ASTN2: variants seen among roughly 807,000 people sequenced by gnomAD.
ASTN2 encodes the protein astrotactin-2.
In ASTN2, 54 loss-of-function variants were observed where a neutral mutation model predicts 139.8. The ratio of observed to expected loss-of-function variants is 0.39; its 90% CI spans 0.31 to 0.48. The LOEUF is 0.48. Ranked by LOEUF, ASTN2 falls within the 20% of genes least tolerant of loss-of-function variation. The pLI is 0.95. For synonymous variants in ASTN2, 756 were observed against 719.5 expected, an observed-to-expected ratio of 1.05 and a Z score of -0.81; for missense variants, 1,565 against 1,725.1, an observed-to-expected ratio of 0.91 and a Z score of 1.64.
intron 19 of ASTN2, among the ~76,000 whole-genome samples, chr9:116,603,933 T>A (rs746296835): frequency 6.6e-6 from 1 of 152,100 alleles, no homozygotes; most frequent in African/African-American, 2.4e-5. Context: ...ATCCATATAA[T>A]TAATTAGTGG....
intron 20 of ASTN2, among the ~76,000 whole-genome samples, chr9:116,446,255 G>GGAGAGAGAGAGAGAGA (rs373227100): frequency 6.8e-4 from 77 of 113,930 alleles, no homozygotes; most frequent in East Asian, 1.7e-3. Context: ...GAGGGGAGAG[G>GGAGAGAGAGAGAGAGA]GAGAGAGAGA....
intron 16 of ASTN2, among the ~76,000 whole-genome samples, chr9:116,662,027 T>C (rs73530828): frequency 2.1e-5 from 3 of 145,828 alleles, no homozygotes; most frequent in East Asian, 4.0e-4. Flanking sequence ...AAGAAAAAAA[T>C]ATATATATAT....
chr9:116,728,867 G>A (rs1828702106), intron 15 of ASTN2, 125 bp downstream of exon 15: 1 of 752,066 alleles, frequency 1.3e-6, no homozygotes, highest in Admixed American at 2.4e-5. Flanking sequence ...CTTGATGGCA[G>A]AGAGGATGCA....
chr9:116,940,712 A>T (rs375710663), intron 10 of ASTN2, among the ~76,000 whole-genome samples: 4 of 152,152 alleles, frequency 2.6e-5, no homozygotes, highest in East Asian at 3.8e-4. Flanking sequence ...TTTAAAATAA[A>T]TTTAGTGTAG....
intron 16 of ASTN2, among the ~76,000 whole-genome samples, chr9:116,705,370 C>T (rs1269016319): frequency 6.6e-6 from 1 of 151,538 alleles, no homozygotes; most frequent in African/African-American, 2.4e-5. Flanking sequence ...GAAAGTCTAA[C>T]CCCTGCAACC....
intron 1 of ASTN2, among the ~76,000 whole-genome samples, chr9:117,321,856 T>G (rs1015413756): frequency 6.6e-6 from 1 of 152,204 alleles, no homozygotes; most frequent in Non-Finnish European, 1.5e-5. Context: ...TAGCATTCCC[T>G]GCTCCACCAG....
At chr9:116,596,499 C>T (rs1245860491) in intron 19 of ASTN2, among the ~76,000 whole-genome samples, 3 of 151,992 alleles carry the variant, frequency 2.0e-5, no homozygotes, top group African/African-American at 4.8e-5. Context: ...TTATTGGAGG[C>T]GATGGGTATG....
chr9:116,843,486 C>T (rs751649114), intron 11 of ASTN2, among the ~76,000 whole-genome samples: 1 of 151,822 alleles, frequency 6.6e-6, no homozygotes, highest in Non-Finnish European at 1.5e-5. Context: ...GGTGAAACCC[C>T]ATCTCTACTA....
chr9:116,489,822 A>G (rs1849456104), intron 19 of ASTN2, among the ~76,000 whole-genome samples: 1 of 152,168 alleles, frequency 6.6e-6, no homozygotes, highest in African/African-American at 2.4e-5. Context: ...TCTATTTTTC[A>G]CGAAGACAAT....
chr9:117,343,784 G>A (rs905617442), intron 1 of ASTN2, among the ~76,000 whole-genome samples: 2 of 152,134 alleles, frequency 1.3e-5, no homozygotes, highest in African/African-American at 4.8e-5. Flanking sequence ...ACTAGAATGT[G>A]CATGTTTTAA....
chr9:117,311,452 C>G (rs1467570476), intron 1 of ASTN2, among the ~76,000 whole-genome samples: 1 of 152,112 alleles, frequency 6.6e-6, no homozygotes, highest in African/African-American at 2.4e-5. Flanking sequence ...AGATTGCCAT[C>G]CACTCTTTTT....
intron 3 of ASTN2, among the ~76,000 whole-genome samples, chr9:117,204,457 C>T (rs1405811137): frequency 6.6e-6 from 1 of 152,148 alleles, no homozygotes; most frequent in Non-Finnish European, 1.5e-5. Context: ...ATGCTGGATG[C>T]TACAAAAACA....
chr9:117,410,097 T>A (rs1183972523), intron 1 of ASTN2, among the ~76,000 whole-genome samples: 2 of 152,236 alleles, frequency 1.3e-5, no homozygotes, highest in Non-Finnish European at 2.9e-5. Context: ...CCTGTCAGGT[T>A]GATATGGCAA....
intron 4 of ASTN2, among the ~76,000 whole-genome samples, chr9:117,120,773 A>C (rs1829538334): frequency 3.9e-5 from 6 of 152,242 alleles, no homozygotes; most frequent in Admixed American, 3.9e-4. Flanking sequence ...AGGAAACTAA[A>C]ACTAAAGTCT....
chr9:117,409,264 C>T (rs1290482644), intron 1 of ASTN2, among the ~76,000 whole-genome samples: 1 of 152,112 alleles, frequency 6.6e-6, no homozygotes, highest in African/African-American at 2.4e-5. Context: ...CAGCTCATGA[C>T]TATTTATAAG....
chr9:117,066,287 T>C (rs10983491), intron 5 of ASTN2, among the ~76,000 whole-genome samples: 10,483 of 135,138 alleles, frequency 0.078, 382 homozygotes, highest in East Asian at 0.12. Flanking sequence ...TTTGTTCTTG[T>C]GATAGTTTAC....
intron 17 of ASTN2, among the ~76,000 whole-genome samples, chr9:116,650,442 G>C (rs1857842868): frequency 6.6e-6 from 1 of 152,176 alleles, no homozygotes; most frequent in African/African-American, 2.4e-5. Context: ...CTCTGGAGCA[G>C]ACCAACTTTG....
chr9:117,058,006 T>C (rs1193838372), intron 5 of ASTN2, among the ~76,000 whole-genome samples: 1 of 152,202 alleles, frequency 6.6e-6, no homozygotes, highest in Non-Finnish European at 1.5e-5. Context: ...TTTTATAGTC[T>C]AATTTCCCAG....
intron 7 of ASTN2, among the ~76,000 whole-genome samples, chr9:117,003,115 G>A (rs907943920): frequency 6.6e-6 from 1 of 152,196 alleles, no homozygotes; most frequent in Non-Finnish European, 1.5e-5. Flanking sequence ...TAGAACCCAG[G>A]ACACAAGGCA....
Sources: gnomAD v4.1 joint callset for allele counts (sites outside exome capture counted in the v4.1 genomes callset) on GRCh38, gnomAD v4.1.1 for gene constraint, MANE v1.5 for transcripts, NCBI Gene and HGNC (gene_info 2026-07-23, HGNC 2026-07-21) for gene names.